ZZEF1: variants seen among roughly 807,000 people sequenced by gnomAD.
The protein encoded by ZZEF1 is zinc finger ZZ-type and EF-hand domain containing 1.
ZZEF1 carries 157 observed loss-of-function variants against 342.8 expected under a neutral mutation model. The observed-to-expected ratio is 0.46, with a 90% confidence interval of 0.40 to 0.52. ZZEF1 has a LOEUF of 0.52. Among genes scored for constraint, ZZEF1 ranks in the 20% least tolerant of loss-of-function variants. The probability of loss-of-function intolerance (pLI) is 0.00; values close to 1 mark genes in which losing one functional copy is unlikely to be tolerated. For missense variants in ZZEF1, 3,480 were observed against 3,725.6 expected, an observed-to-expected ratio of 0.93 and a Z score of 1.72; for synonymous variants, 1,505 against 1,429.1, an observed-to-expected ratio of 1.05 and a Z score of -1.20.
chr17:4,017,425 C>A lies in ZZEF1; in HGVS notation c.7947G>T (p.Met2649Ile). The A allele has an allele frequency of 6.2e-7, 1 of 1,611,830 alleles. No homozygotes were observed. The highest frequency in any genetic ancestry group is 1.1e-5 in the South Asian group (1 of 91,022). ...GCATGAACATATCCAAAATGTAGGT[C>A]ATATGGGCAGGGCCACTGAGCTCCA... ...DILELSGPAH[M>I]TYILDMFMQL... The change falls in exon 48 of 55, where the codon ATG becomes ATT. Residue 2649 changes from methionine to isoleucine, a missense_variant. By Grantham distance (10) the Met-to-Ile change is conservative. Around this residue, in one of 5 missense-constraint regions of ZZEF1, gnomAD observed 1,269 missense variants for 1,342.4 expected, o/e 0.95. Transcript: ENST00000381638. This position sits in a 1 kb window ranked among gnomAD's most constrained non-coding sequence, Gnocchi z 5.1.
intron 41 of ZZEF1, 45 bp downstream of exon 41, chr17:4,032,783 G>A: frequency 6.2e-7 from 1 of 1,601,478 alleles, no homozygotes; most frequent in Non-Finnish European, 8.5e-7. Flanking sequence ...GTATAGTGAA[G>A]ACTGGAAGGG....
rs572396045 is a variant in ZZEF1 at position 4,142,693 on chromosome 17, G to C, written c.203C>G (p.Pro68Arg). ...EAAAALLPTP[P>R]CESLVSRHRG... ...ATGCCTCGACACCAGCGACTCGCAG[G>C]GGGGTGTGGGCAGCAACGCTGCAGC... The change falls in exon 1 of 55, where the codon CCC becomes CGC. Residue 68 changes from proline (P) to arginine (R), a missense_variant. By Grantham distance (103) the Pro-to-Arg change is moderately radical. Transcript: ENST00000381638. 1.4e-5 allele frequency: 23 copies of C among 1,605,182 alleles called. No homozygotes were observed. The highest frequency in any genetic ancestry group is 5.0e-5 in the Admixed American group (3 of 59,722).
At chr17:4,095,100 T>A (rs1469626752) in intron 11 of ZZEF1, among the ~76,000 whole-genome samples, 2 of 152,060 alleles carry the variant, frequency 1.3e-5, no homozygotes, top group Non-Finnish European at 2.9e-5. Context: ...CTCATCACCC[T>A]CCCTCCGAGT....
At position 4,014,336 on chromosome 17, in the gene ZZEF1, T is replaced by G. The variant is rs779704461; in HGVS notation, c.8314+11A>C. On this transcript the variant is annotated intron_variant, in intron 50 of 54. Coordinates refer to ENST00000381638, the MANE Select transcript of ZZEF1 (RefSeq NM_015113.4). This position sits in a 1 kb window ranked among gnomAD's most constrained non-coding sequence, Gnocchi z 4.4. ...TGAAGAACCTATCTAATCGAGTATTTGTTTCACTACCTGGAAGTTCAAAAT... is the reference window on the plus strand; with the variant it reads ...TGAAGAACCTATCTAATCGAGTATTGGTTTCACTACCTGGAAGTTCAAAAT... 4.3e-6 allele frequency: 7 copies of G among 1,614,146 alleles called. No individual in the cohort carries two copies. Among genetic ancestry groups the G allele is most frequent in the Non-Finnish European group, 5.9e-6 (7 of 1,180,002 alleles).
chr17:4,018,725 A>G (rs2144967373), intron 46 of ZZEF1, among the ~76,000 whole-genome samples: 1 of 152,274 alleles, frequency 6.6e-6, no homozygotes, highest in Non-Finnish European at 1.5e-5. Context: ...ACAGTCACCC[A>G]GCTAGAGACA....
At chr17:4,124,078 CAGGGCTGTTTCAAGTAAACG>C (rs1670076141) in intron 1 of ZZEF1, 27 bp from the exon 2 acceptor site, 1 of 1,585,002 alleles carries the variant, frequency 6.3e-7, no homozygotes, top group Non-Finnish European at 8.6e-7. Flanking sequence ...GCAAGAAAAT[CAGGGCTGTTTCAAGTAAACG>C]AGGGCAGTTT....
chr17:4,092,866 A>C (rs2057969932), intron 11 of ZZEF1, among the ~76,000 whole-genome samples: 1 of 152,122 alleles, frequency 6.6e-6, no homozygotes, highest in Non-Finnish European at 1.5e-5. Flanking sequence ...AAGATGGAAG[A>C]CAGATGAATC....
chr17:4,141,693 T>C (rs932852425), intron 1 of ZZEF1, among the ~76,000 whole-genome samples: 10 of 139,298 alleles, frequency 7.2e-5, no homozygotes, highest in African/African-American at 2.6e-4. Flanking sequence ...CATGTACGCC[T>C]GAATTTAAAA....
chr17:4,041,150 T>C (rs915331787), intron 39 of ZZEF1, among the ~76,000 whole-genome samples: 9 of 152,194 alleles, frequency 5.9e-5, no homozygotes, highest in African/African-American at 2.2e-4. Flanking sequence ...ACCAGCTACC[T>C]AGACAGGTCC....
chr17:4,072,516 T>G, intron 25 of ZZEF1, 92 bp downstream of exon 25: 1 of 1,423,840 alleles, frequency 7.0e-7, no homozygotes, highest in South Asian at 1.5e-5. Flanking sequence ...ATACGGGTAG[T>G]AAGATAGAAA....
At chr17:4,060,573 A>AACG (rs1188752645) in intron 30 of ZZEF1, among the ~76,000 whole-genome samples, 1 of 151,446 alleles carries the variant, frequency 6.6e-6, no homozygotes, top group African/African-American at 2.4e-5. Context: ...AAACAACAAC[A>AACG]ACAACAACAA....
At chr17:4,139,382 GCTAT>G (rs1349825494) in intron 1 of ZZEF1, among the ~76,000 whole-genome samples, 1 of 152,210 alleles carries the variant, frequency 6.6e-6, no homozygotes, top group East Asian at 1.9e-4. Context: ...CGCACCCGTG[GCTAT>G]CTGTTTTACC....
Position 4,096,670 on chromosome 17 carries a change from G to C in ZZEF1, c.1703C>G (p.Ala568Gly). The change falls in exon 10 of 55, where the codon GCC becomes GGC. Residue 568 changes from alanine (A) to glycine (G), a missense_variant. Around this residue, in one of 5 missense-constraint regions of ZZEF1, gnomAD observed 1,528 missense variants for 1,624.1 expected, o/e 0.94. Coordinates refer to ENST00000381638, the MANE Select transcript of ZZEF1 (RefSeq NM_015113.4). The stretch of plus-strand genomic sequence containing the variant: ...AGTTCCGGTAGAAAAAATAGTGCTG[G>C]CTCTGGTTTTTCCAGTTTCCGTAAG... ...GFLTETGKTR[A>G]STIFSTGTES... The C allele has an allele frequency of 6.2e-7, 1 of 1,614,034 alleles. No homozygotes were observed. The highest frequency in any genetic ancestry group is 1.1e-5 in the South Asian group (1 of 91,062).
In ZZEF1 at chr17:4,142,954, C is replaced by G; in HGVS notation, c.-59G>C. 2 of 1,299,300 alleles carry G rather than the reference C, an allele frequency of 1.5e-6. No individual in the cohort carries two copies. The highest frequency in any genetic ancestry group is 1.9e-6 in the Non-Finnish European group (2 of 1,027,782). The allele number at this position is 1,299,300 out of a possible 1,614,324, so 80.5% of individuals were successfully genotyped here. On this transcript the variant is annotated 5_prime_UTR_variant, in exon 1 of 55. Coordinates refer to ENST00000381638, the MANE Select transcript of ZZEF1 (RefSeq NM_015113.4). ...CGCCGCCGCCGCCTCCCCGCCTCGA[C>G]CTGTCAACCTCCGACAGCAGCTGGC...
chr17:4,093,187 G>C (rs2057976295), intron 11 of ZZEF1, among the ~76,000 whole-genome samples: 1 of 152,114 alleles, frequency 6.6e-6, no homozygotes, highest in African/African-American at 2.4e-5. Flanking sequence ...GCAGGTTTAG[G>C]GGAAATGACC....
At chr17:4,132,568 G>C (rs1160199219) in intron 1 of ZZEF1, among the ~76,000 whole-genome samples, 3 of 151,616 alleles carry the variant, frequency 2.0e-5, no homozygotes, top group Non-Finnish European at 4.4e-5. Flanking sequence ...CTTGGTGGCA[G>C]GCGCCTGTAA....
At chr17:4,055,535 C>A (rs1335366177) in intron 33 of ZZEF1, among the ~76,000 whole-genome samples, 1 of 152,190 alleles carries the variant, frequency 6.6e-6, no homozygotes, top group Admixed American at 6.5e-5. Flanking sequence ...CCCATGCTCA[C>A]CAGGCAGCCT....
chr17:4,128,345 TAAAAAAAAAAAAA>T (rs74340131), intron 1 of ZZEF1, among the ~76,000 whole-genome samples: 1 of 81,552 alleles, frequency 1.2e-5, no homozygotes, highest in Non-Finnish European at 2.2e-5. Flanking sequence ...CAGACTGTCT[TAAAAAAAAAAAAA>T]AAAAAAAAAA....
rs1381501708 is a variant in ZZEF1, at chr17:4,124,093, T to G, written c.355-42A>C. 14 of 1,552,252 alleles carry G rather than the reference T, an allele frequency of 9.0e-6. No homozygotes were observed. In the East Asian group the frequency reaches 3.2e-4, roughly 35 times the overall value. On this transcript the variant is annotated intron_variant, in intron 1 of 54. Coordinates refer to ENST00000381638, the MANE Select transcript of ZZEF1 (RefSeq NM_015113.4). ...GCAAGAAAATCAGGGCTGTTTCAAG[T>G]AAACGAGGGCAGTTTCAAGTTTCTT...
Sources: gnomAD v4.1 joint callset for allele counts (sites outside exome capture counted in the v4.1 genomes callset) on GRCh38, gnomAD v4.1.1 for gene constraint, gnomAD v4.1.1 regional missense constraint, Gnocchi (gnomAD v3.1) non-coding constraint, MANE v1.5 for transcripts, NCBI Gene and HGNC (gene_info 2026-07-23, HGNC 2026-07-21) for gene names.